BNC2: variants seen among roughly 807,000 people sequenced by gnomAD.
BNC2 encodes basonuclin zinc finger protein 2.
Under a neutral mutation model 76.3 loss-of-function variants are expected in BNC2, and 20 were observed. The ratio of observed to expected loss-of-function variants is 0.26; its 90% CI spans 0.18 to 0.38. The LOEUF (loss-of-function observed/expected upper bound fraction) is 0.38. Among genes scored for constraint, BNC2 ranks in the 10% least tolerant of loss-of-function variants. The pLI, the probability that BNC2 is intolerant of heterozygous loss-of-function variation, is 1.00. For synonymous variants in BNC2, 582 were observed against 514.8 expected (o/e 1.13, Z -1.77); for missense variants, 1,382 against 1,399.8 (o/e 0.99, Z 0.20).
At chr9:16,597,089 A>G (rs1272376264) in intron 3 of BNC2, among the ~76,000 whole-genome samples, 1 of 152,140 alleles carries the variant, frequency 6.6e-6, no homozygotes, top group Non-Finnish European at 1.5e-5. Context: ...GGATGTTTTT[A>G]CATCAAAGTA....
rs891580841 is a variant in BNC2, at chr9:16,680,733, GA to G, written c.330+47063del. ...GGAAAATATTTTCAAACTGAGATGA[GA>G]AAAAAAAAAAATCAGTATCAATACA... On this transcript the variant is annotated intron_variant, in intron 3 of 6. Coordinates refer to ENST00000380672, the MANE Select transcript of BNC2 (RefSeq NM_017637.6). Among the ~76,000 whole-genome samples the G allele has an allele frequency of 5.3e-3, 755 of 142,460 alleles. 4 individuals carry two copies. Among genetic ancestry groups the G allele is most frequent in the Middle Eastern group, 0.019 (5 of 270 alleles). The allele number at this position is 142,460 out of a possible 152,430, so 93.5% of individuals were successfully genotyped here.
intron 5 of BNC2, among the ~76,000 whole-genome samples, chr9:16,469,321 A>C (rs1286891293): frequency 1.3e-5 from 2 of 152,158 alleles, no homozygotes; most frequent in Non-Finnish European, 2.9e-5. Context: ...GAGGTAACTG[A>C]ATCATGGGGG....
chr9:16,543,423 CACAG>C (rs1818384046), intron 5 of BNC2, among the ~76,000 whole-genome samples: 1 of 152,186 alleles, frequency 6.6e-6, no homozygotes, highest in South Asian at 2.1e-4. Context: ...TCAGTGCCAT[CACAG>C]ACAATGTCCA....
intron 1 of BNC2, among the ~76,000 whole-genome samples, chr9:16,837,815 T>C (rs1360765125): frequency 6.6e-6 from 1 of 151,948 alleles, no homozygotes; most frequent in Non-Finnish European, 1.5e-5. Flanking sequence ...TCTATTACTA[T>C]CAACTCTGCC....
At chr9:16,782,627 C>T (rs947951253) in intron 1 of BNC2, among the ~76,000 whole-genome samples, 1 of 152,128 alleles carries the variant, frequency 6.6e-6, no homozygotes, top group South Asian at 2.1e-4. Flanking sequence ...AGAGGTGTCA[C>T]TTCCTCCAGG....
chr9:16,849,021 C>A (rs1251208539), intron 1 of BNC2, among the ~76,000 whole-genome samples: 3 of 152,098 alleles, frequency 2.0e-5, no homozygotes, highest in Non-Finnish European at 2.9e-5. Context: ...ATTCCAAAAT[C>A]TGAATAAATC....
chr9:16,833,299 T>G (rs997912770), intron 1 of BNC2, among the ~76,000 whole-genome samples: 2 of 152,110 alleles, frequency 1.3e-5, no homozygotes, highest in Non-Finnish European at 2.9e-5. Context: ...ACACTCTTCT[T>G]GACAATTTCA....
chr9:16,843,401 G>C (rs1818883478), intron 1 of BNC2, among the ~76,000 whole-genome samples: 1 of 152,196 alleles, frequency 6.6e-6, no homozygotes, highest in Non-Finnish European at 1.5e-5. Context: ...AAAAATCTCA[G>C]CTTACTGCAA....
intron 3 of BNC2, among the ~76,000 whole-genome samples, chr9:16,684,509 C>T (rs1308893574): frequency 6.6e-6 from 1 of 152,130 alleles, no homozygotes; most frequent in Non-Finnish European, 1.5e-5. Flanking sequence ...CTCCTCCTAC[C>T]ACCACTTCTA....
At chr9:16,746,114 G>C (rs1276208683) in intron 1 of BNC2, among the ~76,000 whole-genome samples, 1 of 152,116 alleles carries the variant, frequency 6.6e-6, no homozygotes, top group Non-Finnish European at 1.5e-5. Context: ...TGGTAGCAAA[G>C]CCTGGACCAT....
chr9:16,652,911 G>A (rs1821832270), intron 3 of BNC2, among the ~76,000 whole-genome samples: 1 of 152,118 alleles, frequency 6.6e-6, no homozygotes, highest in Non-Finnish European at 1.5e-5. Context: ...GACACACCAA[G>A]CCCAACAGGA....
At chr9:16,582,094 G>T (rs1819643484) in intron 4 of BNC2, among the ~76,000 whole-genome samples, 1 of 152,104 alleles carries the variant, frequency 6.6e-6, no homozygotes, top group African/African-American at 2.4e-5. Context: ...GTTTGGCACT[G>T]CTTGGGAATG....
chr9:16,770,778 C>T (rs141250766), intron 1 of BNC2, among the ~76,000 whole-genome samples: 23 of 152,042 alleles, frequency 1.5e-4, no homozygotes, highest in Non-Finnish European at 2.1e-4. Flanking sequence ...GTGGGAGAAT[C>T]GCTTGAACCC....
intron 5 of BNC2, among the ~76,000 whole-genome samples, chr9:16,512,607 T>A (rs950538513): frequency 6.6e-6 from 1 of 152,220 alleles, no homozygotes; most frequent in South Asian, 2.1e-4. Context: ...GTTGTTTTAC[T>A]TTATACATTT....
At chr9:16,498,568 A>T (rs1485466788) in intron 5 of BNC2, among the ~76,000 whole-genome samples, 1 of 151,854 alleles carries the variant, frequency 6.6e-6, no homozygotes, top group African/African-American at 2.4e-5. Flanking sequence ...GGTACAGTGT[A>T]TACGGCTGAT....
intron 5 of BNC2, among the ~76,000 whole-genome samples, chr9:16,485,045 C>G (rs772150234): frequency 6.6e-6 from 1 of 151,958 alleles, no homozygotes; most frequent in East Asian, 1.9e-4. Flanking sequence ...ATGCCCTTAA[C>G]AAAGAAGAAC....
At chr9:16,751,572 T>C (rs1175389496) in intron 1 of BNC2, among the ~76,000 whole-genome samples, 1 of 147,146 alleles carries the variant, frequency 6.8e-6, no homozygotes, top group Non-Finnish European at 1.5e-5. Context: ...GTTATTATTG[T>C]TCTAGAAATA....
intron 4 of BNC2, among the ~76,000 whole-genome samples, chr9:16,564,502 T>A (rs1428628365): frequency 3.3e-5 from 5 of 152,154 alleles, no homozygotes; most frequent in African/African-American, 7.2e-5. Flanking sequence ...CCAGACAAAC[T>A]GCCTCTCCAC....
chr9:16,828,688 C>G (rs770095594), intron 1 of BNC2, among the ~76,000 whole-genome samples: 5 of 152,176 alleles, frequency 3.3e-5, no homozygotes, highest in Non-Finnish European at 7.3e-5. Flanking sequence ...AGCAGGGTCA[C>G]TAATTAGTTC....
Sources: allele counts gnomAD v4.1 joint callset (sites outside exome capture counted in the v4.1 genomes callset), GRCh38; gene constraint gnomAD v4.1.1; transcripts MANE v1.5; gene names NCBI Gene and HGNC (gene_info 2026-07-23, HGNC 2026-07-21).